Variants in MAK16 observed in about 807,000 individuals in gnomAD.
MAK16 encodes MAK16 homolog.
MAK16 carries 12 observed loss-of-function variants against 49.9 expected under a neutral mutation model. That is an observed-to-expected ratio of 0.24 (90% CI 0.15 to 0.39). MAK16 has a LOEUF of 0.39. Ranked by LOEUF, MAK16 falls within the 10% of genes least tolerant of loss-of-function variation. MAK16 has a pLI of 1.00. For synonymous variants in MAK16, 115 were observed against 126.4 expected (o/e 0.91, Z 0.60); for missense variants, 292 against 363.7 (o/e 0.80, Z 1.60).
In MAK16 at chr8:33,498,635, C is replaced by G; in HGVS notation, c.*6C>G. ...CCAAAGCCAAAACCACGTGATTTCC[C>G]TTTCAGCATTTATACCCAGGACTGA... On this transcript the variant is annotated 3_prime_UTR_variant, in exon 10 of 10. Coordinates refer to ENST00000360128, the MANE Select transcript of MAK16 (RefSeq NM_032509.4). 3 of 1,606,166 alleles carry G rather than the reference C, an allele frequency of 1.9e-6. 1 individual carries two copies. Among genetic ancestry groups the G allele is most frequent in the Non-Finnish European group, 2.6e-6 (3 of 1,174,134 alleles).
chr8:33,494,852 C>T (rs1298649460), intron 6 of MAK16, among the ~76,000 whole-genome samples: 1 of 151,868 alleles, frequency 6.6e-6, no homozygotes, highest in Non-Finnish European at 1.5e-5. Context: ...GATCTCGGCT[C>T]ACTGCAAGTT....
At chr8:33,487,752 A>G (rs1407055671) in intron 1 of MAK16, among the ~76,000 whole-genome samples, 2 of 152,184 alleles carry the variant, frequency 1.3e-5, no homozygotes, top group Non-Finnish European at 2.9e-5. Context: ...GATAATGAAC[A>G]TAAGTAAAAA....
At position 33,499,043 on chromosome 8, in the gene MAK16, AGGAAG is replaced by A; in HGVS notation, c.*416_*420del. On this transcript the variant is annotated 3_prime_UTR_variant, in exon 10 of 10. Coordinates refer to ENST00000360128, the MANE Select transcript of MAK16 (RefSeq NM_032509.4). The stretch of plus-strand genomic sequence containing the variant: ...CCTATTCTTATGGAGGTAAAAGGAA[AGGAAG>A]GAAGGAAAAAGCAGCTTTCACTTAC... The A allele has an allele frequency of 1.3e-6, 1 of 774,294 alleles. No individual in the cohort carries two copies. The highest frequency in any genetic ancestry group is 1.5e-5 in the South Asian group (1 of 65,314). The allele number at this position is 774,294 out of a possible 1,614,324, so 48.0% of individuals were successfully genotyped here.
Position 33,489,118 on chromosome 8 carries a change from G to A in MAK16, c.371G>A (p.Arg124Lys). The change falls in exon 5 of 10, where the codon AGA becomes AAA. Residue 124 changes from arginine (R) to lysine (K), a missense_variant. Transcript: ENST00000360128. The surrounding 1 kb of genome is among the most constrained non-coding windows in gnomAD (Gnocchi z 4.2). ...ATCACCCAATACCTAATTCGAATTA[G>A]AAAACTTACACTAAAGCGACAGTAA... ...TKITQYLIRI[R>K]KLTLKRQRKL... 1 of 1,613,190 alleles carries A rather than the reference G, an allele frequency of 6.2e-7. No individual in the cohort carries two copies. Among genetic ancestry groups the A allele is most frequent in the Non-Finnish European group, 8.5e-7 (1 of 1,179,492 alleles).
intron 1 of MAK16, chr8:33,485,672 A>G (rs556042435): frequency 1.8e-4 from 36 of 196,694 alleles, no homozygotes; most frequent in African/African-American, 7.4e-4. Flanking sequence ...TGCCTAAGTC[A>G]TAATTTCGGA....
chr8:33,498,317 C>A (rs2128825410), intron 9 of MAK16, 115 bp from the exon 10 acceptor site: 106 of 641,166 alleles, frequency 1.7e-4, no homozygotes, highest in South Asian at 4.7e-4. Flanking sequence ...AATTTCTGAA[C>A]ACAGACATAG....
At chr8:33,490,686 T>C (rs568188397) in intron 6 of MAK16, among the ~76,000 whole-genome samples, 6 of 152,328 alleles carry the variant, frequency 3.9e-5, no homozygotes, top group Admixed American at 3.9e-4. Flanking sequence ...TCTAATCAAA[T>C]GGAATTTCTG....
At chr8:33,495,211 A>G (rs1400273219) in intron 6 of MAK16, among the ~76,000 whole-genome samples, 1 of 152,228 alleles carries the variant, frequency 6.6e-6, no homozygotes, top group Non-Finnish European at 1.5e-5. Context: ...CAGCTTTTAC[A>G]AAGTCTGGCT....
chr8:33,499,523 A>C lies in MAK16; in HGVS notation c.*894A>C. ...GTACTTGCAAATCTCCTGCTGGCTCATGAAACAGCAGAATTCCAGCCAAGG... is the reference window on the plus strand; with the variant it reads ...GTACTTGCAAATCTCCTGCTGGCTCCTGAAACAGCAGAATTCCAGCCAAGG... On this transcript the variant is annotated 3_prime_UTR_variant, in exon 10 of 10. Coordinates refer to ENST00000360128, the MANE Select transcript of MAK16 (RefSeq NM_032509.4). 1 of 404,758 alleles carries C rather than the reference A, an allele frequency of 2.5e-6. No individual in the cohort carries two copies. Among genetic ancestry groups the C allele is most frequent in the Non-Finnish European group, 4.5e-6 (1 of 222,484 alleles). The allele number at this position is 404,758 out of a possible 1,614,324, so 25.1% of individuals were successfully genotyped here. A position where few individuals can be genotyped will look rare whatever the true frequency, so the allele number is the denominator to read the frequency against.
In MAK16 at chr8:33,498,510, C is replaced by G. The variant is rs1808924655; in HGVS notation, c.784C>G (p.Leu262Val). The G allele has an allele frequency of 6.2e-7, 1 of 1,614,000 alleles. No individual in the cohort carries two copies. The highest frequency in any genetic ancestry group is 8.5e-7 in the Non-Finnish European group (1 of 1,180,014). Residue 262 changes from leucine to valine, a missense_variant, in exon 10 of 10, where the codon CTT (leucine) becomes GTT (valine). Leu to Val is a conservative substitution (Grantham distance 32, BLOSUM62 1). Coordinates refer to ENST00000360128, the MANE Select transcript of MAK16 (RefSeq NM_032509.4). ...SSSEEEEEKA[L>V]SAKHKGKMPL... Reference sequence around the variant, plus strand: ...CAGTGAGGAGGAGGAAGAAAAGGCCCTTAGTGCGAAACACAAAGGCAAAAT... The same window carrying G: ...CAGTGAGGAGGAGGAAGAAAAGGCCGTTAGTGCGAAACACAAAGGCAAAAT...
Position 33,499,127 on chromosome 8 carries a change from TGGGATGG to T in MAK16, c.*500_*506del. 1.4e-6 allele frequency: 2 copies of T among 1,467,044 alleles called. No homozygotes were observed. The highest frequency in any genetic ancestry group is 1.9e-6 in the Non-Finnish European group (2 of 1,046,644). 90.9% of individuals were successfully genotyped at this position (1,467,044 alleles called of 1,614,324 possible). ...CTTAAATAACTCCATTCATACAAAT[TGGGATGG>T]GAAGAAAATCCTTTCCTCTTGGGAA... On this transcript the variant is annotated 3_prime_UTR_variant, in exon 10 of 10. Transcript: ENST00000360128.
rs746865994 is a variant in MAK16, at chr8:33,499,159, A to G, written c.*530A>G. ...GGAAGAAAATCCTTTCCTCTTGGGAAAGTAATACAAGTCTTAAGTTCCATT... is the reference window on the plus strand; with the variant it reads ...GGAAGAAAATCCTTTCCTCTTGGGAGAGTAATACAAGTCTTAAGTTCCATT... On this transcript the variant is annotated 3_prime_UTR_variant, in exon 10 of 10. Coordinates refer to ENST00000360128, the MANE Select transcript of MAK16 (RefSeq NM_032509.4). The G allele has an allele frequency of 6.3e-6, 10 of 1,598,208 alleles. No individual in the cohort carries two copies. The African/African-American group carries it at 1.2e-4, about 19-fold the overall frequency.
At chr8:33,487,729 G>A (rs1040484815) in intron 1 of MAK16, among the ~76,000 whole-genome samples, 1 of 151,906 alleles carries the variant, frequency 6.6e-6, no homozygotes, top group South Asian at 2.1e-4. Flanking sequence ...GCCCATGAGA[G>A]CCTTTAATAA....
chr8:33,492,938 A>T (rs755070276), intron 6 of MAK16, among the ~76,000 whole-genome samples: 5 of 149,478 alleles, frequency 3.3e-5, no homozygotes, highest in Non-Finnish European at 7.4e-5. Context: ...TTTCATAACA[A>T]TTTTAGGATT....
intron 9 of MAK16, 40 bp downstream of exon 9, chr8:33,497,337 G>GAAAAA: frequency 1.7e-6 from 1 of 595,292 alleles, no homozygotes; most frequent in Non-Finnish European, 2.5e-6. Flanking sequence ...TTGGCCTGCA[G>GAAAAA]CAAAAAAAAA....
At chr8:33,488,947 AT>A (rs749422487) in intron 4 of MAK16, 40 bp from the exon 5 acceptor site, 3 of 1,613,392 alleles carry the variant, frequency 1.9e-6, no homozygotes, top group African/African-American at 2.7e-5. Context: ...CTAATGAATC[AT>A]TTACACTTGC....
chr8:33,492,197 A>G (rs1808789248), intron 6 of MAK16, among the ~76,000 whole-genome samples: 1 of 151,932 alleles, frequency 6.6e-6, no homozygotes, highest in South Asian at 2.1e-4. Flanking sequence ...TTTTTAGTAG[A>G]GATGGGGTTT....
At chr8:33,490,371 A>C (rs758718812) in intron 6 of MAK16, 32 bp downstream of exon 6, 1 of 1,584,882 alleles carries the variant, frequency 6.3e-7, no homozygotes, top group South Asian at 1.1e-5. Flanking sequence ...CATACCTTCT[A>C]CATTTTCTTT....
intron 4 of MAK16, 73 bp from the exon 5 acceptor site, chr8:33,488,915 G>A (rs2128823504): frequency 6.2e-7 from 1 of 1,605,182 alleles, no homozygotes. Flanking sequence ...ATTAGGCCAT[G>A]GGTGTCACTG....
Sources: gnomAD v4.1 joint callset for allele counts (sites outside exome capture counted in the v4.1 genomes callset) on GRCh38, gnomAD v4.1.1 for gene constraint, Gnocchi (gnomAD v3.1) non-coding constraint, MANE v1.5 for transcripts, NCBI Gene and HGNC (gene_info 2026-07-23, HGNC 2026-07-21) for gene names.